The following CSMD2 variants were observed in gnomAD, a reference collection of about 807,000 sequenced individuals.
CSMD2 encodes the protein CUB and Sushi multiple domains 2.
CSMD2 carries 130 observed loss-of-function variants against 398.5 expected under a neutral mutation model. The observed-to-expected ratio is 0.33, with a 90% CI of 0.28 to 0.38. The LOEUF is 0.38. Ranked by LOEUF, CSMD2 falls within the 10% of genes least tolerant of loss-of-function variation. The probability of loss-of-function intolerance (pLI) is 1.00; values close to 1 mark genes in which losing one functional copy is unlikely to be tolerated. For missense variants in CSMD2, 3,829 were observed against 4,764.9 expected (o/e 0.80, Z 5.78); for synonymous variants, 1,828 against 1,908.5 (o/e 0.96, Z 1.10).
At position 33,625,455 on chromosome 1, in the gene CSMD2, AC is replaced by A. The variant is rs537642066; in HGVS notation, c.5297-202del. Among the ~76,000 whole-genome samples, 8 of 152,316 alleles carry A rather than the reference AC, an allele frequency of 5.3e-5. No homozygotes were observed. In the East Asian group the frequency reaches 1.5e-3, roughly 29 times the overall value. ...ATAGTTGGACACACAGCGCTACAGC[AC>A]AGCTCCTGGAAAGCACGGGAGGTAG... On this transcript the variant is annotated intron_variant, in intron 33 of 70. Coordinates refer to ENST00000373381, the MANE Select transcript of CSMD2 (RefSeq NM_001281956.2).
intron 3 of CSMD2, among the ~76,000 whole-genome samples, chr1:33,978,722 C>T (rs551122683): frequency 3.5e-4 from 53 of 152,266 alleles, no homozygotes; most frequent in African/African-American, 9.6e-4. Flanking sequence ...AGGATGCTTA[C>T]GAGCCACCTA....
chr1:34,083,984 C>CAAA (rs796906555), intron 2 of CSMD2, among the ~76,000 whole-genome samples: 1 of 143,596 alleles, frequency 7.0e-6, no homozygotes, highest in African/African-American at 2.5e-5. Flanking sequence ...CATCATCAAT[C>CAAA]AAAAAAAAAA....
intron 25 of CSMD2, among the ~76,000 whole-genome samples, chr1:33,681,914 T>C (rs535117796): frequency 1.9e-4 from 29 of 152,270 alleles, no homozygotes; most frequent in Non-Finnish European, 3.8e-4. Context: ...TGCAGTGAGC[T>C]GAAATCGCAC....
chr1:33,873,049 A>G (rs188626610), intron 5 of CSMD2, among the ~76,000 whole-genome samples: 1 of 151,788 alleles, frequency 6.6e-6, no homozygotes, highest in East Asian at 1.9e-4. Flanking sequence ...TGTTGGGCAT[A>G]TGGGGGGCAG....
chr1:34,114,824 A>G (rs1242749933), intron 1 of CSMD2, among the ~76,000 whole-genome samples: 3 of 152,254 alleles, frequency 2.0e-5, no homozygotes, highest in Non-Finnish European at 4.4e-5. Context: ...GTGCTACAAG[A>G]GGACACAAAT....
At chr1:33,947,171 A>G (rs1226905931) in intron 3 of CSMD2, among the ~76,000 whole-genome samples, 1 of 152,118 alleles carries the variant, frequency 6.6e-6, no homozygotes, top group African/African-American at 2.4e-5. Flanking sequence ...GTTTATAACT[A>G]TTGGTGAGGC....
At chr1:33,671,957 G>T (rs1644515768) in intron 25 of CSMD2, among the ~76,000 whole-genome samples, 1 of 151,928 alleles carries the variant, frequency 6.6e-6, no homozygotes, top group Admixed American at 6.6e-5. Flanking sequence ...CTTATAGGCA[G>T]TTTATCTCTA....
At chr1:33,693,357 A>G (rs187471237) in intron 24 of CSMD2, among the ~76,000 whole-genome samples, 3 of 152,360 alleles carry the variant, frequency 2.0e-5, no homozygotes, top group East Asian at 3.9e-4. Context: ...GATGTTTAAC[A>G]TTGTTAGTCA....
intron 3 of CSMD2, among the ~76,000 whole-genome samples, chr1:34,029,315 T>TC (rs1650114106): frequency 6.6e-6 from 1 of 151,978 alleles, no homozygotes; most frequent in African/African-American, 2.4e-5. Flanking sequence ...CTAGTGAATC[T>TC]CCCCTCCTCC....
intron 37 of CSMD2, among the ~76,000 whole-genome samples, chr1:33,620,002 G>T (rs1641661474): frequency 6.6e-6 from 1 of 152,196 alleles, no homozygotes; most frequent in Non-Finnish European, 1.5e-5. Context: ...AGAGCAGAAT[G>T]AGGACAAAAA....
intron 1 of CSMD2, among the ~76,000 whole-genome samples, chr1:34,142,616 C>G (rs1639407235): frequency 6.6e-6 from 1 of 152,164 alleles, no homozygotes; most frequent in African/African-American, 2.4e-5. Flanking sequence ...GAAATTGTAT[C>G]AGGAATGAAA....
At chr1:33,643,506 C>CT (rs1643231475) in intron 29 of CSMD2, among the ~76,000 whole-genome samples, 1 of 152,212 alleles carries the variant, frequency 6.6e-6, no homozygotes, top group Admixed American at 6.5e-5. Context: ...ATATCAAATA[C>CT]TTATTGGCAC....
intron 1 of CSMD2, among the ~76,000 whole-genome samples, chr1:34,121,514 T>C (rs1662183484): frequency 6.6e-6 from 1 of 152,190 alleles, no homozygotes; most frequent in African/African-American, 2.4e-5. Context: ...GGGTCAGTGC[T>C]TCTCAAACTT....
chr1:33,936,150 G>A (rs181423062), intron 3 of CSMD2, among the ~76,000 whole-genome samples, 196 bp from the exon 4 acceptor site: 52 of 152,326 alleles, frequency 3.4e-4, no homozygotes, highest in African/African-American at 1.3e-3. Context: ...TTACTCATAA[G>A]AGACAAGGGT....
chr1:33,733,660 T>C (rs1273500721), intron 15 of CSMD2, among the ~76,000 whole-genome samples: 2 of 152,138 alleles, frequency 1.3e-5, no homozygotes, highest in African/African-American at 2.4e-5. Flanking sequence ...GCTGCTGTCA[T>C]GATAGTGAGT....
intron 44 of CSMD2, among the ~76,000 whole-genome samples, chr1:33,598,313 C>T (rs1054986727): frequency 2.0e-5 from 3 of 152,326 alleles, no homozygotes; most frequent in African/African-American, 7.2e-5. Flanking sequence ...CTCTTGCTCA[C>T]TCATCCCCTA....
chr1:33,525,553 T>C (rs1030212353), intron 65 of CSMD2, among the ~76,000 whole-genome samples: 12 of 151,796 alleles, frequency 7.9e-5, no homozygotes, highest in Admixed American at 7.9e-4. Flanking sequence ...TGGGGCAGAG[T>C]GGAGGGTGAT....
At chr1:33,809,066 G>T (rs1656560160) in intron 10 of CSMD2, among the ~76,000 whole-genome samples, 1 of 151,294 alleles carries the variant, frequency 6.6e-6, no homozygotes, top group African/African-American at 2.4e-5. Flanking sequence ...GGAGACACCA[G>T]ACCACGATAG....
At chr1:33,604,894 C>A (rs1351719430) in intron 42 of CSMD2, among the ~76,000 whole-genome samples, 2 of 152,250 alleles carry the variant, frequency 1.3e-5, no homozygotes, top group African/African-American at 4.8e-5. Flanking sequence ...TCATGCTCTT[C>A]TCCCTTTGGG....
Sources: gnomAD v4.1 joint callset for allele counts (sites outside exome capture counted in the v4.1 genomes callset) on GRCh38, gnomAD v4.1.1 for gene constraint, MANE v1.5 for transcripts, NCBI Gene and HGNC (gene_info 2026-07-23, HGNC 2026-07-21) for gene names.